The following HEPHL1 variants were observed in gnomAD, a reference collection of about 807,000 sequenced individuals.
The protein encoded by HEPHL1 is hephaestin like 1, also known as ferroxidase HEPHL1.
A neutral mutation model predicts 122.0 loss-of-function variants in HEPHL1; 123 were observed. The observed-to-expected ratio is 1.01, with a 90% CI of 0.87 to 1.17. The LOEUF is 1.17. HEPHL1 is among the 50% of genes most tolerant of loss of function. The pLI, the probability that HEPHL1 is intolerant of heterozygous loss-of-function variation, is 0.00. For synonymous variants in HEPHL1, 527 were observed against 508.9 expected (o/e 1.04, Z -0.48); for missense variants, 1,452 against 1,430.5 (o/e 1.01, Z -0.24).
In HEPHL1 at chr11:94,111,845, C is replaced by G. The variant is rs1377643319; in HGVS notation, c.3431C>G (p.Thr1144Arg). Reference sequence around the variant, plus strand: ...AGACTCTGCTCTGCAATGAAGCAGACAGATTACCAGCAAGTCCAGTCCTGT... The same window carrying G: ...AGACTCTGCTCTGCAATGAAGCAGAGAGATTACCAGCAAGTCCAGTCCTGT... ...SLRLCSAMKQ[T>R]DYQQVQSCAL... is the part of the protein sequence containing the mutation. The change falls in exon 20 of 20, where the codon ACA becomes AGA. Residue 1144 changes from threonine (T) to arginine (R), a missense_variant. Coordinates refer to ENST00000315765, the MANE Select transcript of HEPHL1 (RefSeq NM_001098672.2). The G allele has an allele frequency of 6.5e-7, 1 of 1,534,346 alleles. No individual in the cohort carries two copies. The highest frequency in any genetic ancestry group is 2.1e-5 in the Admixed American group (1 of 47,502).
intron 19 of HEPHL1, 31 bp downstream of exon 19, chr11:94,111,636 TCAA>T (rs1946450945): frequency 6.2e-7 from 1 of 1,607,990 alleles, no homozygotes; most frequent in African/African-American, 1.3e-5. Flanking sequence ...TGTAAATGAG[TCAA>T]CATTTCACCC....
chr11:94,046,090 G>GTTTTTTTTTT (rs1945833960), intron 2 of HEPHL1, among the ~76,000 whole-genome samples, 173 bp downstream of exon 2: 8 of 6,982 alleles, frequency 1.1e-3, no homozygotes, highest in African/African-American at 1.3e-3. Context: ...TCCCTTTCTT[G>GTTTTTTTTTT]CTTTTTTTTT....
At chr11:94,071,119 A>G (rs1230206101) in intron 6 of HEPHL1, among the ~76,000 whole-genome samples, 22 of 152,134 alleles carry the variant, frequency 1.4e-4, no homozygotes, top group Admixed American at 1.4e-3. Context: ...CTGCGCTCCC[A>G]TAGAATATAC....
chr11:94,094,014 A>ATATATATATATATATATATATATATAT (rs1565360567), intron 13 of HEPHL1, among the ~76,000 whole-genome samples: 8 of 120,120 alleles, frequency 6.7e-5, no homozygotes, highest in African/African-American at 1.1e-4. Flanking sequence ...ATATATATAT[A>ATATATATATATATATATATATATATAT]AAACTTTAAG....
chr11:94,048,844 G>A (rs763713115), intron 2 of HEPHL1, among the ~76,000 whole-genome samples: 59 of 152,232 alleles, frequency 3.9e-4, no homozygotes, highest in Non-Finnish European at 5.7e-4. Context: ...ATACTGGCTG[G>A]ACATGGTGGC....
At chr11:94,027,028 T>G (rs1293304993) in intron 1 of HEPHL1, among the ~76,000 whole-genome samples, 1 of 152,184 alleles carries the variant, frequency 6.6e-6, no homozygotes, top group Non-Finnish European at 1.5e-5. Context: ...ACTGCATGTG[T>G]TGTCAGGGCC....
Position 94,088,742 on chromosome 11 carries a change from A to G in HEPHL1, c.2081-13A>G. The G allele has an allele frequency of 6.2e-7, 1 of 1,606,334 alleles. No individual in the cohort carries two copies. Among genetic ancestry groups the G allele is most frequent in the Non-Finnish European group, 8.5e-7 (1 of 1,174,852 alleles). On this transcript the variant is annotated splice_polypyrimidine_tract_variant and intron_variant, in intron 11 of 19. Transcript: ENST00000315765. ...CGAGCACCACACTCAATGCCGAGCC[A>G]TTTCTCTTGCAGGTATTTTTAGGGT... is the stretch of plus-strand genomic sequence containing the variant.
At chr11:94,103,370 TTAAAAAGA>T (rs910248090) in intron 15 of HEPHL1, among the ~76,000 whole-genome samples, 1 of 150,190 alleles carries the variant, frequency 6.7e-6, no homozygotes, top group Non-Finnish European at 1.5e-5. Context: ...AATTTAGAAC[TTAAAAAGA>T]TAAAAGGTTT....
intron 17 of HEPHL1, 136 bp downstream of exon 17, chr11:94,106,266 A>G (rs1946407716): frequency 5.3e-6 from 3 of 571,068 alleles, no homozygotes; most frequent in African/African-American, 3.8e-5. Context: ...ATGTGATTGT[A>G]CCGTTTCCCT....
intron 9 of HEPHL1, among the ~76,000 whole-genome samples, chr11:94,078,634 C>T (rs1283841404): frequency 6.6e-6 from 1 of 151,588 alleles, no homozygotes; most frequent in Non-Finnish European, 1.5e-5. Context: ...GGCTCGAGAA[C>T]CAGGAAGAGC....
At chr11:94,099,462 G>A (rs886809819) in intron 13 of HEPHL1, among the ~76,000 whole-genome samples, 6 of 152,174 alleles carry the variant, frequency 3.9e-5, no homozygotes, top group Non-Finnish European at 7.3e-5. Context: ...TGGGTGTCAG[G>A]GACCCACTTG....
At chr11:94,021,665 G>A in intron 1 of HEPHL1, 127 bp downstream of exon 1, 1 of 743,956 alleles carries the variant, frequency 1.3e-6, no homozygotes. Flanking sequence ...AAGGTGTTTT[G>A]TTTTTTGCTT....
At chr11:94,089,274 G>T (rs1314486515) in intron 12 of HEPHL1, among the ~76,000 whole-genome samples, 1 of 152,146 alleles carries the variant, frequency 6.6e-6, no homozygotes, top group Non-Finnish European at 1.5e-5. Flanking sequence ...TAGTGGGGCT[G>T]GGAAGACAAA....
chr11:94,055,823 A>T, intron 2 of HEPHL1: 1 of 464,634 alleles, frequency 2.2e-6, no homozygotes, highest in Non-Finnish European at 4.0e-6. Context: ...GTTCCTTTCC[A>T]TACTGCAATG....
At chr11:94,068,711 A>T (rs1946053229) in intron 5 of HEPHL1, among the ~76,000 whole-genome samples, 1 of 152,184 alleles carries the variant, frequency 6.6e-6, no homozygotes, top group Non-Finnish European at 1.5e-5. Context: ...GAAGGACTTG[A>T]TGGAGGAATT....
At chr11:94,094,302 T>C (rs1240188548) in intron 13 of HEPHL1, among the ~76,000 whole-genome samples, 3 of 152,068 alleles carry the variant, frequency 2.0e-5, no homozygotes, top group African/African-American at 7.2e-5. Context: ...TCCAGCTTCA[T>C]CTATGTCCCT....
At position 94,104,535 on chromosome 11, in the gene HEPHL1, A is replaced by G. The variant is rs776065811; in HGVS notation, c.2690A>G (p.Tyr897Cys). Residue 897 changes from tyrosine to cysteine, a missense_variant, in exon 16 of 20, where the codon TAT becomes TGT. By Grantham distance (194) the Tyr-to-Cys change is radical (BLOSUM62 -2). Coordinates refer to ENST00000315765, the MANE Select transcript of HEPHL1 (RefSeq NM_001098672.2). ...GTTTATTTTTTCTTCCAGGATACGT[A>G]TAGTGGTTTGATGGGTCCTCTGATT... ...YSTVNFVKDT[Y>C]SGLMGPLITC... 13 of 1,608,958 alleles carry G rather than the reference A, an allele frequency of 8.1e-6. 1 individual carries two copies. In the Admixed American group the frequency reaches 1.3e-4, roughly 17 times the overall value.
At chr11:94,093,975 T>TATAG in intron 13 of HEPHL1, among the ~76,000 whole-genome samples, 1 of 48,020 alleles carries the variant, frequency 2.1e-5, no homozygotes, top group Middle Eastern at 8.8e-3. Context: ...CCAGCAGATA[T>TATAG]ATATATATAT....
At chr11:94,024,265 T>C (rs145771591) in intron 1 of HEPHL1, among the ~76,000 whole-genome samples, 1 of 152,354 alleles carries the variant, frequency 6.6e-6, no homozygotes, top group Non-Finnish European at 1.5e-5. Context: ...TCTGCCCAAC[T>C]TGCTGTGTAA....
Sources: allele counts gnomAD v4.1 joint callset (sites outside exome capture counted in the v4.1 genomes callset), GRCh38; gene constraint gnomAD v4.1.1; transcripts MANE v1.5; gene names NCBI Gene and HGNC (gene_info 2026-07-23, HGNC 2026-07-21).